Variants in SNX29 observed in about 807,000 individuals in gnomAD.
The protein encoded by SNX29 is sorting nexin-29.
A neutral mutation model predicts 102.1 loss-of-function variants in SNX29; 78 were observed. The observed-to-expected ratio is 0.76, with a 90% CI of 0.64 to 0.92. The LOEUF is 0.92. SNX29 is among the 40% of genes least tolerant of loss of function. SNX29 has a pLI of 0.00. For missense variants in SNX29, 1,280 were observed against 1,061.7 expected (o/e 1.21, Z -2.86); for synonymous variants, 580 against 414.5 (o/e 1.40, Z -4.85).
intron 18 of SNX29, among the ~76,000 whole-genome samples, chr16:12,466,087 A>C (rs1210536342): frequency 6.6e-6 from 1 of 152,236 alleles, no homozygotes; most frequent in African/African-American, 2.4e-5. Context: ...TGAAGAACAA[A>C]ACAACGATGT....
intron 20 of SNX29, among the ~76,000 whole-genome samples, chr16:12,544,023 C>T (rs746886594): frequency 4.6e-5 from 7 of 152,200 alleles, no homozygotes; most frequent in African/African-American, 7.2e-5. Context: ...GGACTCTAGA[C>T]CCCGTTGACT....
At chr16:11,988,961 A>G (rs569530099) in intron 1 of SNX29, among the ~76,000 whole-genome samples, 36 of 152,088 alleles carry the variant, frequency 2.4e-4, no homozygotes, top group African/African-American at 8.4e-4. Flanking sequence ...AATACTTGCC[A>G]ATCCCTGCTC....
At chr16:12,052,634 G>A (rs2050354349) in intron 8 of SNX29, 2 of 199,926 alleles carry the variant, frequency 1.0e-5, no homozygotes, top group South Asian at 1.8e-4. Flanking sequence ...TTCAGGTGTT[G>A]ATTTAGGAGT....
intron 18 of SNX29, among the ~76,000 whole-genome samples, chr16:12,445,658 G>A (rs1430616478): frequency 6.6e-6 from 1 of 152,226 alleles, no homozygotes; most frequent in Non-Finnish European, 1.5e-5. Context: ...AATAGCCTCA[G>A]TGTACAGTGG....
intron 18 of SNX29, among the ~76,000 whole-genome samples, chr16:12,427,780 A>G (rs1428393586): frequency 6.6e-6 from 1 of 152,222 alleles, no homozygotes; most frequent in Non-Finnish European, 1.5e-5. Context: ...TTCTGTTGAC[A>G]CAGAGCCCTG....
chr16:12,073,599 A>T (rs554356991), intron 10 of SNX29, among the ~76,000 whole-genome samples: 4 of 152,118 alleles, frequency 2.6e-5, no homozygotes, highest in African/African-American at 9.7e-5. Flanking sequence ...TATGTGGTCA[A>T]TTTTGGAATA....
chr16:12,078,764 T>G, intron 10 of SNX29, 69 bp from the exon 11 acceptor site: 1 of 1,375,412 alleles, frequency 7.3e-7, no homozygotes, highest in Non-Finnish European at 1.0e-6. Flanking sequence ...CCTCTGCTAG[T>G]TTTTGGAATG....
intron 18 of SNX29, among the ~76,000 whole-genome samples, chr16:12,437,001 C>T (rs1216230454): frequency 6.6e-6 from 1 of 152,176 alleles, no homozygotes; most frequent in African/African-American, 2.4e-5. Flanking sequence ...TTTCCAGTGT[C>T]CCAGTCCAGG....
At chr16:12,541,457 A>C (rs2077336510) in intron 20 of SNX29, among the ~76,000 whole-genome samples, 2 of 152,198 alleles carry the variant, frequency 1.3e-5, no homozygotes, top group Admixed American at 6.5e-5. Context: ...ACCCACGCTT[A>C]GTGCTTGATG....
intron 11 of SNX29, among the ~76,000 whole-genome samples, chr16:12,088,473 TA>T (rs1223835829): frequency 6.6e-6 from 1 of 152,162 alleles, no homozygotes; most frequent in Non-Finnish European, 1.5e-5. Flanking sequence ...CCCTCATTTA[TA>T]TGGGAAGGCT....
rs190587359 is a variant in SNX29 at position 12,342,143 on chromosome 16, G to A, written c.1783-14020G>A. Among the ~76,000 whole-genome samples the A allele has an allele frequency of 1.9e-3, 296 of 152,298 alleles. 2 individuals carry two copies. Among genetic ancestry groups the A allele is most frequent in the African/African-American group, 6.8e-3 (281 of 41,570 alleles). On this transcript the variant is annotated intron_variant, in intron 15 of 20. Coordinates refer to ENST00000566228, the MANE Select transcript of SNX29 (RefSeq NM_032167.5). ...CTCTGTTGGGGGTGGCCTAGGCAGG[G>A]AAGCATTGTGATACTTTTGCACTTA...
chr16:12,276,417 G>A (rs1490388460), intron 14 of SNX29, among the ~76,000 whole-genome samples: 2 of 152,176 alleles, frequency 1.3e-5, no homozygotes, highest in Non-Finnish European at 2.9e-5. Flanking sequence ...CTCTAACAGT[G>A]TGGTCTGAGG....
chr16:12,076,883 C>T (rs1461994592), intron 10 of SNX29, among the ~76,000 whole-genome samples: 1 of 152,190 alleles, frequency 6.6e-6, no homozygotes, highest in African/African-American at 2.4e-5. Context: ...CTCAAAATGA[C>T]ATTGCTTGTA....
At position 12,568,870 on chromosome 16, in the gene SNX29, T is replaced by C. The variant is rs566364738; in HGVS notation, c.*241T>C. 3.3e-6 allele frequency: 2 copies of C among 602,308 alleles called. No individual in the cohort carries two copies. The highest frequency in any genetic ancestry group is 4.3e-5 in the South Asian group (2 of 46,474). The allele number at this position is 602,308 out of a possible 1,614,324, so 37.3% of individuals were successfully genotyped here. A position where few individuals can be genotyped will look rare whatever the true frequency, so the allele number is the denominator to read the frequency against. On this transcript the variant is annotated 3_prime_UTR_variant, in exon 21 of 21. Coordinates refer to ENST00000566228, the MANE Select transcript of SNX29 (RefSeq NM_032167.5). ...GAGAGACTGGGACACACAGTCCTTC[T>C]GCTTCTGGGGTCTACCCTGGGCTGC...
At chr16:12,289,554 G>A (rs915116940) in intron 15 of SNX29, among the ~76,000 whole-genome samples, 7 of 152,124 alleles carry the variant, frequency 4.6e-5, no homozygotes, top group Non-Finnish European at 1.0e-4. Flanking sequence ...CACCCCATGT[G>A]TTCTGTTTCG....
At chr16:12,526,052 C>G (rs1373113450) in intron 20 of SNX29, among the ~76,000 whole-genome samples, 2 of 152,188 alleles carry the variant, frequency 1.3e-5, no homozygotes, top group Non-Finnish European at 2.9e-5. Context: ...TGTATTATTT[C>G]TAAAATCTTA....
chr16:12,062,931 C>T (rs1479124248), intron 9 of SNX29, among the ~76,000 whole-genome samples: 4 of 152,230 alleles, frequency 2.6e-5, no homozygotes, highest in Non-Finnish European at 5.9e-5. Flanking sequence ...CTGCTCTGAG[C>T]GTCAGCATTC....
At chr16:12,353,423 G>C (rs1010194140) in intron 15 of SNX29, among the ~76,000 whole-genome samples, 1 of 140,142 alleles carries the variant, frequency 7.1e-6, no homozygotes, top group East Asian at 1.9e-4. Context: ...TGCTAAGTGC[G>C]GCATCTCTTG....
chr16:12,448,973 G>A (rs1326227165), intron 18 of SNX29, among the ~76,000 whole-genome samples: 1 of 152,200 alleles, frequency 6.6e-6, no homozygotes, highest in South Asian at 2.1e-4. Context: ...GGGAAGAGTT[G>A]CTGGCTGCAG....
Sources: allele counts gnomAD v4.1 joint callset (sites outside exome capture counted in the v4.1 genomes callset), GRCh38; gene constraint gnomAD v4.1.1; transcripts MANE v1.5; gene names NCBI Gene and HGNC (gene_info 2026-07-23, HGNC 2026-07-21).